TNFSF4: variants seen among roughly 807,000 people sequenced by gnomAD.
TNFSF4 encodes the protein TNF superfamily member 4, also known as tumor necrosis factor ligand superfamily member 4.
Under a neutral mutation model 7.3 loss-of-function variants are expected in TNFSF4, and 4 were observed. The observed-to-expected ratio is 0.55, with a 90% confidence interval of 0.27 to 1.25. TNFSF4 has a LOEUF of 1.25. Ranked by LOEUF, TNFSF4 falls within the 50% of genes most tolerant of loss-of-function variation. The probability of loss-of-function intolerance (pLI) is 0.12; values close to 1 mark genes in which losing one functional copy is unlikely to be tolerated. For synonymous variants in TNFSF4, 76 were observed against 83.7 expected (o/e 0.91, Z 0.50); for missense variants, 181 against 208.8 (o/e 0.87, Z 0.82).
the TNFSF4 span, among the ~76,000 whole-genome samples, chr1:173,427,821 A>G: frequency 6.6e-6 from 1 of 152,182 alleles, no homozygotes; most frequent in Non-Finnish European, 1.5e-5. Context: ...TACTGTACTG[A>G]AAACTGTAGG....
chr1:173,296,390 G>A, the TNFSF4 span, among the ~76,000 whole-genome samples: 2 of 151,998 alleles, frequency 1.3e-5, no homozygotes, highest in Non-Finnish European at 2.9e-5. Flanking sequence ...GAAGAAAAAA[G>A]TGTGAGGATG....
At chr1:173,249,890 G>A in the TNFSF4 span, among the ~76,000 whole-genome samples, 20 of 152,116 alleles carry the variant, frequency 1.3e-4, no homozygotes, top group Non-Finnish European at 2.5e-4. Context: ...TAAATATTGG[G>A]TGATACTGGC....
At chr1:173,399,056 C>T in the TNFSF4 span, among the ~76,000 whole-genome samples, 2 of 152,318 alleles carry the variant, frequency 1.3e-5, no homozygotes, top group African/African-American at 4.8e-5. Flanking sequence ...CTGAGCTGCA[C>T]ATCATGAAGT....
the TNFSF4 span, among the ~76,000 whole-genome samples, chr1:173,395,376 TAATA>T: frequency 2.5e-5 from 1 of 40,116 alleles, no homozygotes; most frequent in East Asian, 1.4e-3. Context: ...ACTGTGTATA[TAATA>T]TATATATATA....
At chr1:173,450,495 T>C in the TNFSF4 span, among the ~76,000 whole-genome samples, 1 of 151,762 alleles carries the variant, frequency 6.6e-6, no homozygotes, top group African/African-American at 2.4e-5. Context: ...CAATATCCTT[T>C]AAGAGCACAG....
At chr1:173,449,454 A>G in the TNFSF4 span, among the ~76,000 whole-genome samples, 85 of 151,966 alleles carry the variant, frequency 5.6e-4, no homozygotes, top group African/African-American at 1.9e-3. Flanking sequence ...TCCTGGCTCA[A>G]AGAATCCTCC....
the TNFSF4 span, among the ~76,000 whole-genome samples, chr1:173,333,156 T>C: frequency 6.6e-6 from 1 of 152,148 alleles, no homozygotes. Flanking sequence ...TAGTTAACTG[T>C]ATGTTTCAAT....
At chr1:173,199,083 G>C (rs994506269) in intron 1 of TNFSF4, among the ~76,000 whole-genome samples, 3 of 152,146 alleles carry the variant, frequency 2.0e-5, no homozygotes, top group Non-Finnish European at 4.4e-5. Flanking sequence ...CTGAAGAACC[G>C]TACCCTCTTT....
At chr1:173,355,854 T>C in the TNFSF4 span, among the ~76,000 whole-genome samples, 3 of 152,212 alleles carry the variant, frequency 2.0e-5, no homozygotes, top group African/African-American at 7.2e-5. Context: ...CATACTCAAA[T>C]GCCTTGCTGG....
intron 1 of TNFSF4, among the ~76,000 whole-genome samples, chr1:173,193,459 T>C (rs1233517238): frequency 6.6e-6 from 1 of 152,204 alleles, no homozygotes; most frequent in African/African-American, 2.4e-5. Flanking sequence ...AGTCATATTT[T>C]AGTTGAACAT....
At chr1:173,444,744 G>A in the TNFSF4 span, among the ~76,000 whole-genome samples, 1 of 152,208 alleles carries the variant, frequency 6.6e-6, no homozygotes, top group African/African-American at 2.4e-5. Flanking sequence ...AAGAGAAAGG[G>A]GTGGGAGAAG....
chr1:173,204,911 A>ACT (rs10651014), intron 1 of TNFSF4, among the ~76,000 whole-genome samples: 1,457 of 135,674 alleles, frequency 0.011, 14 homozygotes, highest in Non-Finnish European at 0.017. Context: ...AAACACACAC[A>ACT]CACACACACA....
chr1:173,263,989 G>A, the TNFSF4 span, among the ~76,000 whole-genome samples: 1 of 152,174 alleles, frequency 6.6e-6, no homozygotes, highest in Non-Finnish European at 1.5e-5. Context: ...AGGGTGGAAG[G>A]TGGGAGGAGG....
chr1:173,215,239 C>T, the TNFSF4 span, among the ~76,000 whole-genome samples: 1 of 152,120 alleles, frequency 6.6e-6, no homozygotes, highest in Non-Finnish European at 1.5e-5. Flanking sequence ...TGTTGGCACA[C>T]TGATCCAGAG....
At chr1:173,438,544 C>T in the TNFSF4 span, among the ~76,000 whole-genome samples, 1 of 152,122 alleles carries the variant, frequency 6.6e-6, no homozygotes, top group Non-Finnish European at 1.5e-5. Context: ...CTTCGACTTA[C>T]CAAGTAGAAG....
chr1:173,360,465 A>G, the TNFSF4 span, among the ~76,000 whole-genome samples: 4 of 152,242 alleles, frequency 2.6e-5, no homozygotes, highest in Non-Finnish European at 5.9e-5. Flanking sequence ...GACTGCCTTC[A>G]AAGGGATATG....
At chr1:173,424,141 C>T in the TNFSF4 span, among the ~76,000 whole-genome samples, 1 of 152,244 alleles carries the variant, frequency 6.6e-6, no homozygotes, top group East Asian at 1.9e-4. Context: ...TTAATACTAT[C>T]ACATTGGTGA....
At chr1:173,224,247 C>G in the TNFSF4 span, among the ~76,000 whole-genome samples, 1 of 152,116 alleles carries the variant, frequency 6.6e-6, no homozygotes. Flanking sequence ...ACTAGATGTA[C>G]GCTCAGGAAT....
At chr1:173,380,115 C>T in the TNFSF4 span, among the ~76,000 whole-genome samples, 4 of 152,298 alleles carry the variant, frequency 2.6e-5, no homozygotes, top group South Asian at 8.3e-4. Flanking sequence ...CCTCAAGGTC[C>T]GTTACTATCC....
Sources: allele counts gnomAD v4.1 joint callset (sites outside exome capture counted in the v4.1 genomes callset), GRCh38; gene constraint gnomAD v4.1.1; transcripts MANE v1.5; gene names NCBI Gene and HGNC (gene_info 2026-07-23, HGNC 2026-07-21).